Variants in EGFR observed in about 807,000 individuals in gnomAD.
EGFR encodes the protein epidermal growth factor receptor, also known as avian erythroblastic leukemia viral (v-erb-b) oncogene homolog.
EGFR carries 58 observed loss-of-function variants against 143.0 expected under a neutral mutation model. That is an observed-to-expected ratio of 0.41 (90% CI 0.33 to 0.50). The LOEUF (loss-of-function observed/expected upper bound fraction) is 0.50, where lower values mean the gene tolerates loss of function less well. Among genes scored for constraint, EGFR ranks in the 20% least tolerant of loss-of-function variants. The pLI, the probability that EGFR is intolerant of heterozygous loss-of-function variation, is 0.39. For missense variants in EGFR, 1,307 were observed against 1,579.0 expected (o/e 0.83, Z 2.92); for synonymous variants, 613 against 594.4 (o/e 1.03, Z -0.45).
chr7:55,068,107 C>T (rs1411771008), intron 1 of EGFR, among the ~76,000 whole-genome samples: 2 of 144,372 alleles, frequency 1.4e-5, no homozygotes, highest in Non-Finnish European at 3.0e-5. Context: ...TATGTGTGTG[C>T]CTGTGTGTGT....
intron 1 of EGFR, among the ~76,000 whole-genome samples, chr7:55,065,324 G>A (rs1431951932): frequency 6.6e-6 from 1 of 152,194 alleles, no homozygotes; most frequent in Non-Finnish European, 1.5e-5. Context: ...CTCATGCGCT[G>A]TGTGGAAACT....
At chr7:55,023,022 A>T (rs1786664191) in intron 1 of EGFR, among the ~76,000 whole-genome samples, 1 of 152,236 alleles carries the variant, frequency 6.6e-6, no homozygotes, top group Non-Finnish European at 1.5e-5. Context: ...GACGAGAGTG[A>T]CAAACCAACT....
At chr7:55,139,697 G>T (rs541106979) in intron 1 of EGFR, among the ~76,000 whole-genome samples, 41 of 152,184 alleles carry the variant, frequency 2.7e-4, no homozygotes, top group African/African-American at 8.9e-4. Context: ...AAGTTTCTTT[G>T]CAATTTTTTC....
At position 55,206,498 on chromosome 7, in the gene EGFR, A is replaced by G. The variant is rs1413964941; in HGVS notation, c.*881A>G. Reference sequence around the variant, plus strand: ...ATCAGCATTTGGACCAATAGCCCACAGCTGAGAATGTGGAATACCTAAGGA... The same window carrying G: ...ATCAGCATTTGGACCAATAGCCCACGGCTGAGAATGTGGAATACCTAAGGA... On this transcript the variant is annotated 3_prime_UTR_variant, in exon 28 of 28. Transcript: ENST00000275493. 2 of 233,216 alleles carry G rather than the reference A, an allele frequency of 8.6e-6. No individual in the cohort carries two copies. The highest frequency in any genetic ancestry group is 1.7e-5 in the Non-Finnish European group (2 of 118,092). The allele number at this position is 233,216 out of a possible 1,614,324, so 14.4% of individuals were successfully genotyped here.
In EGFR at chr7:55,019,123, G is replaced by C. The variant is rs1319972031; in HGVS notation, c.-155G>C. On this transcript the variant is annotated 5_prime_UTR_variant, in exon 1 of 28. Transcript: ENST00000275493. ...GCGGCCGGAGTCCCGAGCTAGCCCC[G>C]GCGGCCGCCGCCGCCCAGACCGGAC... is the stretch of plus-strand genomic sequence containing the variant. 6.9e-6 allele frequency: 3 copies of C among 431,828 alleles called. 1 individual carries two copies. The highest frequency in any genetic ancestry group is 2.1e-5 in the African/African-American group (1 of 47,374). 26.7% of individuals were successfully genotyped at this position (431,828 alleles called of 1,614,324 possible). A position where few individuals can be genotyped will look rare whatever the true frequency, so the allele number is the denominator to read the frequency against.
chr7:55,169,644 T>G (rs965161904), intron 15 of EGFR, among the ~76,000 whole-genome samples: 5 of 151,974 alleles, frequency 3.3e-5, no homozygotes, highest in African/African-American at 1.2e-4. Flanking sequence ...GCTGCTTGAG[T>G]TCATACTCAA....
At chr7:55,067,686 CAAAT>C (rs1276810422) in intron 1 of EGFR, among the ~76,000 whole-genome samples, 1 of 151,306 alleles carries the variant, frequency 6.6e-6, no homozygotes, top group Non-Finnish European at 1.5e-5. Flanking sequence ...ATTTAATTGA[CAAAT>C]AAAAATTGTG....
intron 1 of EGFR, among the ~76,000 whole-genome samples, chr7:55,065,318 T>G (rs1234724206): frequency 6.6e-6 from 1 of 152,176 alleles, no homozygotes; most frequent in African/African-American, 2.4e-5. Context: ...TGGTGACTCA[T>G]GCGCTGTGTG....
intron 1 of EGFR, among the ~76,000 whole-genome samples, chr7:55,116,611 T>C (rs1262210391): frequency 6.6e-6 from 1 of 152,136 alleles, no homozygotes; most frequent in African/African-American, 2.4e-5. Context: ...CCTTTGTAAG[T>C]GGCACCCAGA....
intron 1 of EGFR, among the ~76,000 whole-genome samples, chr7:55,132,052 T>G (rs1793874541): frequency 6.6e-6 from 1 of 152,014 alleles, no homozygotes; most frequent in Non-Finnish European, 1.5e-5. Context: ...AAGAGGGGCT[T>G]TTATGCTTTT....
At chr7:55,151,512 G>A (rs563540293) in intron 5 of EGFR, 150 bp downstream of exon 5, 13 of 856,574 alleles carry the variant, frequency 1.5e-5, no homozygotes, top group Non-Finnish European at 2.3e-5. Context: ...GGACAGTCTT[G>A]CAAATCTCAC....
At chr7:55,185,201 T>C (rs1787077482) in intron 20 of EGFR, among the ~76,000 whole-genome samples, 1 of 152,214 alleles carries the variant, frequency 6.6e-6, no homozygotes, top group African/African-American at 2.4e-5. Flanking sequence ...ATGAGACCAG[T>C]AGACCATGAG....
At chr7:55,166,474 T>C (rs945277628) in intron 15 of EGFR, among the ~76,000 whole-genome samples, 1 of 152,250 alleles carries the variant, frequency 6.6e-6, no homozygotes, top group Non-Finnish European at 1.5e-5. Context: ...GCTCACAGGA[T>C]TTTTATGACC....
chr7:55,157,860 T>G, intron 11 of EGFR, 107 bp downstream of exon 11: 1 of 1,098,956 alleles, frequency 9.1e-7, no homozygotes, highest in Non-Finnish European at 1.4e-6. Flanking sequence ...CCTGCATCTC[T>G]CGCCGGCATT....
At position 55,143,288 on chromosome 7, in the gene EGFR, A is replaced by T. The variant is rs2128927121; in HGVS notation, c.241-17A>T. 6.2e-7 allele frequency: 1 copy of T among 1,613,970 alleles called. No individual in the cohort carries two copies. ...TCCTCAAAAGAGAAATCACGCATTT[A>T]TGTTTTCTCTTCTTAGACCATCCAG... On this transcript the variant is annotated splice_polypyrimidine_tract_variant and intron_variant, in intron 2 of 27. Transcript: ENST00000275493.
intron 20 of EGFR, among the ~76,000 whole-genome samples, chr7:55,191,018 C>T (rs1787371073): frequency 6.6e-6 from 1 of 152,128 alleles, no homozygotes. Flanking sequence ...CAGCCAGGGT[C>T]AGGGTAGCAT....
intron 1 of EGFR, among the ~76,000 whole-genome samples, chr7:55,046,195 C>T (rs1264606479): frequency 2.0e-5 from 3 of 152,110 alleles, no homozygotes; most frequent in Non-Finnish European, 2.9e-5. Context: ...TCTTTTAGAA[C>T]CTTAAAGTAT....
intron 1 of EGFR, among the ~76,000 whole-genome samples, chr7:55,071,699 C>G (rs1382103355): frequency 1.3e-5 from 2 of 152,250 alleles, no homozygotes; most frequent in African/African-American, 4.8e-5. Context: ...AGATATTTTT[C>G]TGCTTATATA....
intron 22 of EGFR, among the ~76,000 whole-genome samples, chr7:55,198,285 G>T (rs530357561): frequency 6.6e-6 from 1 of 152,114 alleles, no homozygotes; most frequent in Non-Finnish European, 1.5e-5. Context: ...CTAAAAATGT[G>T]CAGTTTACAG....
Sources: allele counts gnomAD v4.1 joint callset (sites outside exome capture counted in the v4.1 genomes callset), GRCh38; gene constraint gnomAD v4.1.1; transcripts MANE v1.5; gene names NCBI Gene and HGNC (gene_info 2026-07-23, HGNC 2026-07-21).